The following CGAS variants were observed in gnomAD, a reference collection of about 807,000 sequenced individuals.
CGAS encodes cyclic GMP-AMP synthase.
A neutral mutation model predicts 34.0 loss-of-function variants in CGAS; 31 were observed. The ratio of observed to expected loss-of-function variants is 0.91; its 90% CI spans 0.69 to 1.23. The LOEUF (loss-of-function observed/expected upper bound fraction) is 1.23, where lower values mean the gene tolerates loss of function less well. Among genes scored for constraint, CGAS ranks in the 50% most tolerant of loss-of-function variants. CGAS has a pLI of 0.00. For missense variants in CGAS, 597 were observed against 657.6 expected, an observed-to-expected ratio of 0.91 and a Z score of 1.01; for synonymous variants, 266 against 260.0, an observed-to-expected ratio of 1.02 and a Z score of -0.22.
At chr6:73,428,963 G>A (rs1770136263) in intron 3 of CGAS, 152 bp from the exon 4 acceptor site, 1 of 636,404 alleles carries the variant, frequency 1.6e-6, no homozygotes, top group East Asian at 2.8e-5. Context: ...GAGGAGGGTG[G>A]GTCACCTGAG....
At chr6:73,443,524 C>A (rs993796643) in intron 2 of CGAS, among the ~76,000 whole-genome samples, 1 of 152,118 alleles carries the variant, frequency 6.6e-6, no homozygotes, top group South Asian at 2.1e-4. Flanking sequence ...AGGCGTGAGC[C>A]ACGGCGCCTG....
intron 3 of CGAS, among the ~76,000 whole-genome samples, chr6:73,429,862 T>C (rs1688250645): frequency 1.3e-5 from 2 of 152,010 alleles, no homozygotes; most frequent in African/African-American, 4.8e-5. Flanking sequence ...TTACCATGGC[T>C]AGCTCTTTTA....
At chr6:73,433,682 T>A (rs1770232050) in intron 3 of CGAS, among the ~76,000 whole-genome samples, 1 of 151,318 alleles carries the variant, frequency 6.6e-6, no homozygotes, top group Non-Finnish European at 1.5e-5. Context: ...AGAAATGGGG[T>A]CTTACCATGT....
intron 1 of CGAS, among the ~76,000 whole-genome samples, chr6:73,447,919 A>G (rs928169254): frequency 1.3e-5 from 2 of 152,234 alleles, no homozygotes; most frequent in African/African-American, 4.8e-5. Context: ...TCATCTACAC[A>G]TAACGATTTC....
At chr6:73,444,215 C>T (rs1770430157) in intron 2 of CGAS, among the ~76,000 whole-genome samples, 1 of 151,940 alleles carries the variant, frequency 6.6e-6, no homozygotes, top group African/African-American at 2.4e-5. Context: ...GTCTTGAACT[C>T]CTGACCTCGT....
intron 3 of CGAS, among the ~76,000 whole-genome samples, chr6:73,431,299 A>C (rs2150810622): frequency 6.6e-6 from 1 of 151,532 alleles, no homozygotes. Context: ...GTGAAACCCC[A>C]TTTCTACTAA....
In CGAS at chr6:73,451,881, C is replaced by T. The variant is rs141133909; in HGVS notation, c.301G>A (p.Gly101Arg). 31,437 of 1,540,840 alleles carry T rather than the reference C, an allele frequency of 0.02. 395 individuals carry two copies. The highest frequency in any genetic ancestry group is 0.023 in the Non-Finnish European group (26,809 of 1,140,900). ...GCAGGAGGCTCCAGCCCCTCTGCCCCAGGGGCGCTGGTGGCGTCAGACGGC... is the reference window on the plus strand; with the variant it reads ...GCAGGAGGCTCCAGCCCCTCTGCCCTAGGGGCGCTGGTGGCGTCAGACGGC... ...TQPSDATSAPGAEGLEPPAAR... is the reference protein window; with the variant it reads ...TQPSDATSAPRAEGLEPPAAR... The change falls in exon 1 of 5, where the codon GGG (glycine) becomes AGG (arginine). Residue 101 changes from glycine to arginine, a missense_variant. Gly to Arg is a moderately radical substitution (Grantham distance 125). Around this residue, in one of 3 missense-constraint regions of CGAS, gnomAD observed 321 missense variants for 314.3 expected, o/e 1.02. Transcript: ENST00000370315.
At chr6:73,442,208 G>A (rs939175874) in intron 2 of CGAS, among the ~76,000 whole-genome samples, 3 of 151,944 alleles carry the variant, frequency 2.0e-5, no homozygotes, top group Admixed American at 6.6e-5. Flanking sequence ...TCTGCCCATA[G>A]TCTCTGGATC....
At chr6:73,442,773 A>AT (rs901886595) in intron 2 of CGAS, among the ~76,000 whole-genome samples, 1 of 151,372 alleles carries the variant, frequency 6.6e-6, no homozygotes, top group African/African-American at 2.4e-5. Flanking sequence ...TAATTTTTGT[A>AT]TTTTTAGTAC....
chr6:73,440,396 T>G lies in CGAS; in HGVS notation c.927A>C (p.Thr309=). 6.2e-7 allele frequency: 1 copy of G among 1,614,158 alleles called. No homozygotes were observed. The highest frequency in any genetic ancestry group is 1.1e-5 in the South Asian group (1 of 91,084). ...KRKRGGSPAV[T]LLISEKISVD... ...CAGATATTTTTTCACTAATAAGAAG[T>G]GTTACAGCAGGGCTCCCTCCTCTTT... The change falls in exon 3 of 5, where the codon ACA becomes ACC. Residue 309 remains threonine (T), a synonymous_variant. Transcript: ENST00000370315.
chr6:73,441,709 T>C (rs903093417), intron 2 of CGAS, among the ~76,000 whole-genome samples: 10 of 151,936 alleles, frequency 6.6e-5, no homozygotes, highest in African/African-American at 2.4e-4. Flanking sequence ...CTTTGGGAGT[T>C]GGGGGTTTAT....
At chr6:73,428,914 T>A in intron 3 of CGAS, 103 bp from the exon 4 acceptor site, 1 of 1,043,290 alleles carries the variant, frequency 9.6e-7, no homozygotes, top group South Asian at 1.5e-5. Context: ...GGGCTGGGCA[T>A]GGGGGCTCAC....
At chr6:73,439,837 G>A (rs1192575008) in intron 3 of CGAS, 3 of 203,298 alleles carry the variant, frequency 1.5e-5, no homozygotes, top group Middle Eastern at 2.1e-3. Context: ...GGTTAACACA[G>A]TGTACGGATG....
Position 73,425,109 on chromosome 6 carries a change from C to T in CGAS, c.*118G>A. On this transcript the variant is annotated 3_prime_UTR_variant, in exon 5 of 5. Coordinates refer to ENST00000370315, the MANE Select transcript of CGAS (RefSeq NM_138441.3). ...CCTCAAGTGATCCGCCTGCCTCGGC[C>T]TCCAAAGAGCTGGGATTACAGGTGT... is the stretch of plus-strand genomic sequence containing the variant. The T allele has an allele frequency of 1.4e-6, 1 of 715,440 alleles. No homozygotes were observed. Among genetic ancestry groups the T allele is most frequent in the South Asian group, 2.0e-5 (1 of 49,800 alleles). The allele number at this position is 715,440 out of a possible 1,614,324, so 44.3% of individuals were successfully genotyped here. A position where few individuals can be genotyped will look rare whatever the true frequency, so the allele number is the denominator to read the frequency against.
chr6:73,431,725 T>A (rs57581981), intron 3 of CGAS, among the ~76,000 whole-genome samples: 8,488 of 152,254 alleles, frequency 0.056, 475 homozygotes, highest in African/African-American at 0.14. Context: ...TGAACCTTAT[T>A]TGAATCCTGA....
intron 4 of CGAS, among the ~76,000 whole-genome samples, chr6:73,426,407 T>G (rs1770089575): frequency 6.6e-6 from 1 of 151,808 alleles, no homozygotes; most frequent in Non-Finnish European, 1.5e-5. Context: ...GATTATGTTT[T>G]CAAATATATG....
intron 4 of CGAS, among the ~76,000 whole-genome samples, chr6:73,427,441 A>T (rs1411004883): frequency 6.6e-6 from 1 of 151,846 alleles, no homozygotes; most frequent in East Asian, 1.9e-4. Context: ...CGGGGATTAC[A>T]GGCACGTGCC....
rs1346879012 is a variant in CGAS, at chr6:73,445,616, A to G, written c.789T>C (p.Ser263=). 1.9e-6 allele frequency: 3 copies of G among 1,612,314 alleles called. No homozygotes were observed. The highest frequency in any genetic ancestry group is 2.5e-6 in the Non-Finnish European group (3 of 1,179,378). ...FKRNPKENPL[S]QFLEGEILSA... ...ATAATATTTCACCTTCTAAAAACTG[A>G]CTCAGAGGATTTTCTTTCGGATTTC... Residue 263 remains serine, a synonymous_variant, in exon 2 of 5, where the codon AGT becomes AGC. Transcript: ENST00000370315.
intron 3 of CGAS, among the ~76,000 whole-genome samples, chr6:73,437,490 G>A (rs1770298780): frequency 6.6e-6 from 1 of 152,072 alleles, no homozygotes; most frequent in South Asian, 2.1e-4. Context: ...CCAGGATGGA[G>A]TGCAGTGGCA....
Sources: gnomAD v4.1 joint callset for allele counts (sites outside exome capture counted in the v4.1 genomes callset) on GRCh38, gnomAD v4.1.1 for gene constraint, gnomAD v4.1.1 regional missense constraint, MANE v1.5 for transcripts, NCBI Gene and HGNC (gene_info 2026-07-23, HGNC 2026-07-21) for gene names.